TNIK: variants seen among roughly 807,000 people sequenced by gnomAD.
The protein encoded by TNIK is TRAF2 and NCK-interacting protein kinase.
In TNIK, 49 loss-of-function variants were observed where a neutral mutation model predicts 191.3. That is an observed-to-expected ratio of 0.26 (90% CI 0.20 to 0.32). The LOEUF is 0.32. TNIK is among the 10% of genes least tolerant of loss of function. The pLI, the probability that TNIK is intolerant of heterozygous loss-of-function variation, is 1.00. For synonymous variants in TNIK, 594 were observed against 600.9 expected (o/e 0.99, Z 0.17); for missense variants, 1,155 against 1,702.3 (o/e 0.68, Z 5.66).
intron 2 of TNIK, among the ~76,000 whole-genome samples, chr3:171,270,681 C>G (rs1748983090): frequency 6.6e-6 from 1 of 152,220 alleles, no homozygotes; most frequent in South Asian, 2.1e-4. Context: ...ACTGCCCCAG[C>G]TGTTTCCTGA....
In TNIK at chr3:171,403,280, G is replaced by A. The variant is rs1405281547; in HGVS notation, c.58-33595C>T. 4.6e-5 allele frequency among the ~76,000 whole-genome samples: 7 copies of A among 152,234 alleles called. No homozygotes were observed. In the East Asian group the frequency reaches 9.6e-4, roughly 21 times the overall value. On this transcript the variant is annotated intron_variant, in intron 1 of 32. Coordinates refer to ENST00000436636, the MANE Select transcript of TNIK (RefSeq NM_015028.4). ...GAGTGTAGAACTACACTAGTGATGA[G>A]TACGCTGAAAACCAAGCAAACAAGA...
intron 2 of TNIK, among the ~76,000 whole-genome samples, chr3:171,320,408 G>C (rs1478170571): frequency 6.6e-6 from 1 of 152,208 alleles, no homozygotes; most frequent in East Asian, 1.9e-4. Context: ...ACAGGAAAAT[G>C]ACCCAGGAAA....
chr3:171,374,270 C>T (rs1160981019), intron 1 of TNIK, among the ~76,000 whole-genome samples: 3 of 152,138 alleles, frequency 2.0e-5, no homozygotes, highest in Non-Finnish European at 4.4e-5. Flanking sequence ...ATGTAAAAGC[C>T]CCTGTAGTAT....
chr3:171,266,198 T>C (rs1577298732), intron 2 of TNIK, among the ~76,000 whole-genome samples: 1 of 152,204 alleles, frequency 6.6e-6, no homozygotes, highest in Non-Finnish European at 1.5e-5. Flanking sequence ...GTTGAGATCA[T>C]TGTTGACAAA....
chr3:171,228,333 G>GGAGA (rs1743199880), intron 2 of TNIK, 112 bp from the exon 3 acceptor site: 6 of 1,057,788 alleles, frequency 5.7e-6, no homozygotes, highest in Non-Finnish European at 8.3e-6. Flanking sequence ...GTCAATGGGG[G>GGAGA]GAGAGAGAAA....
Position 171,424,838 on chromosome 3 carries a change from T to TG in TNIK, c.57+35168dup, listed in dbSNP as rs1462045605. Among the ~76,000 whole-genome samples the TG allele has an allele frequency of 2.7e-4, 15 of 55,272 alleles. No individual in the cohort carries two copies. The East Asian group carries it at 8.7e-3, about 32-fold the overall frequency. 36.3% of individuals were successfully genotyped at this position (55,272 alleles called of 152,430 possible). On this transcript the variant is annotated intron_variant, in intron 1 of 32. Coordinates refer to ENST00000436636, the MANE Select transcript of TNIK (RefSeq NM_015028.4). Reference sequence around the variant, plus strand: ...TCACACACTGGGGACTGTTGTGGGGTGGGGGGAGGGGGGAGGGATAGCATT... The same window carrying TG: ...TCACACACTGGGGACTGTTGTGGGGTGGGGGGGAGGGGGGAGGGATAGCATT...
chr3:171,345,401 G>A (rs1286887961), intron 2 of TNIK, among the ~76,000 whole-genome samples: 1 of 152,034 alleles, frequency 6.6e-6, no homozygotes, highest in Non-Finnish European at 1.5e-5. Context: ...ACTTGACAAA[G>A]AGCAAGCTGT....
intron 20 of TNIK, 85 bp from the exon 21 acceptor site, chr3:171,107,291 A>C: frequency 7.7e-7 from 1 of 1,297,712 alleles, no homozygotes; most frequent in Non-Finnish European, 1.1e-6. Context: ...ACAAAATTGT[A>C]ATTGTTAGTA....
intron 2 of TNIK, among the ~76,000 whole-genome samples, chr3:171,348,202 A>T (rs1348207420): frequency 6.6e-6 from 1 of 152,234 alleles, no homozygotes; most frequent in African/African-American, 2.4e-5. Context: ...CCAGAGCACA[A>T]GTACTCCCTG....
At chr3:171,301,556 C>T (rs961329103) in intron 2 of TNIK, among the ~76,000 whole-genome samples, 4 of 152,152 alleles carry the variant, frequency 2.6e-5, no homozygotes, top group African/African-American at 9.7e-5. Flanking sequence ...TTCAAGTGAT[C>T]CGCCTGCCTC....
At chr3:171,278,148 C>A (rs980579241) in intron 2 of TNIK, among the ~76,000 whole-genome samples, 2 of 152,176 alleles carry the variant, frequency 1.3e-5, no homozygotes, top group African/African-American at 4.8e-5. Context: ...TGTTTTCTGA[C>A]TGGGACATGT....
At chr3:171,362,503 A>T (rs1458116649) in intron 2 of TNIK, among the ~76,000 whole-genome samples, 1 of 152,220 alleles carries the variant, frequency 6.6e-6, no homozygotes, top group Non-Finnish European at 1.5e-5. Flanking sequence ...GAGCACAAAG[A>T]CATGTGTTTC....
At chr3:171,286,081 T>A (rs1379039918) in intron 2 of TNIK, among the ~76,000 whole-genome samples, 1 of 152,124 alleles carries the variant, frequency 6.6e-6, no homozygotes, top group Non-Finnish European at 1.5e-5. Flanking sequence ...CTGGTTAGCC[T>A]TTGCTGGGGA....
At position 171,395,332 on chromosome 3, in the gene TNIK, A is replaced by G. The variant is rs542816403; in HGVS notation, c.58-25647T>C. Among the ~76,000 whole-genome samples the G allele has an allele frequency of 4.6e-5, 7 of 152,350 alleles. No homozygotes were observed. The East Asian group carries it at 1.3e-3, about 29-fold the overall frequency. ...TTTTGTCATCAGTAAAACAGGGATT[A>G]TCAGGCACACCTCATAGGGTCATTA... On this transcript the variant is annotated intron_variant, in intron 1 of 32. Transcript: ENST00000436636.
intron 1 of TNIK, among the ~76,000 whole-genome samples, chr3:171,396,789 T>C (rs1720309226): frequency 6.6e-6 from 1 of 152,210 alleles, no homozygotes; most frequent in Non-Finnish European, 1.5e-5. Context: ...CCATTCTCAG[T>C]TGATTCTTTT....
At chr3:171,390,378 T>A (rs1000063995) in intron 1 of TNIK, among the ~76,000 whole-genome samples, 7 of 152,174 alleles carry the variant, frequency 4.6e-5, no homozygotes, top group Non-Finnish European at 1.0e-4. Flanking sequence ...AAATAAATAA[T>A]AACTATGCAA....
chr3:171,432,226 C>A (rs73879562), intron 1 of TNIK, among the ~76,000 whole-genome samples: 1 of 152,028 alleles, frequency 6.6e-6, no homozygotes, highest in East Asian at 1.9e-4. Context: ...GAAAATAATA[C>A]CTATGCTGTG....
At chr3:171,180,804 AT>A (rs1193608654) in intron 7 of TNIK, among the ~76,000 whole-genome samples, 1 of 152,212 alleles carries the variant, frequency 6.6e-6, no homozygotes, top group African/African-American at 2.4e-5. Context: ...AGTATTCACC[AT>A]TTTTCCCCTT....
chr3:171,339,673 C>T (rs868759285), intron 2 of TNIK, among the ~76,000 whole-genome samples: 1 of 152,218 alleles, frequency 6.6e-6, no homozygotes, highest in Non-Finnish European at 1.5e-5. Flanking sequence ...TAGACTTCCT[C>T]CCTCTTTTCT....
Sources: allele counts gnomAD v4.1 joint callset (sites outside exome capture counted in the v4.1 genomes callset), GRCh38; gene constraint gnomAD v4.1.1; transcripts MANE v1.5; gene names NCBI Gene and HGNC (gene_info 2026-07-23, HGNC 2026-07-21).